The following FHOD3 variants were observed in gnomAD, a reference collection of about 807,000 sequenced individuals.
The protein encoded by FHOD3 is FH1/FH2 domain-containing protein 3.
Under a neutral mutation model 173.0 loss-of-function variants are expected in FHOD3, and 90 were observed. The observed-to-expected ratio is 0.52, with a 90% CI of 0.44 to 0.62. FHOD3 has a LOEUF of 0.62. FHOD3 is among the 20% of genes least tolerant of loss of function. The pLI is 0.00. For synonymous variants in FHOD3, 828 were observed against 823.0 expected (o/e 1.01, Z -0.10); for missense variants, 1,945 against 2,034.7 (o/e 0.96, Z 0.85).
chr18:36,751,735 T>A (rs1457532725), intron 24 of FHOD3, among the ~76,000 whole-genome samples: 3 of 152,232 alleles, frequency 2.0e-5, no homozygotes, highest in Non-Finnish European at 4.4e-5. Context: ...GAGATAATAA[T>A]GTGGGTTTTG....
At chr18:36,376,814 A>T (rs1177010120) in intron 3 of FHOD3, among the ~76,000 whole-genome samples, 2 of 152,230 alleles carry the variant, frequency 1.3e-5, no homozygotes, top group African/African-American at 4.8e-5. Flanking sequence ...CTACATTGTT[A>T]TAGCAAAGAG....
chr18:36,648,387 G>T (rs1444146548), intron 10 of FHOD3, among the ~76,000 whole-genome samples: 1 of 152,222 alleles, frequency 6.6e-6, no homozygotes, highest in Non-Finnish European at 1.5e-5. Context: ...ACATAAGTCG[G>T]TTGTTGACAG....
At chr18:36,724,854 C>T (rs928078399) in intron 19 of FHOD3, among the ~76,000 whole-genome samples, 14 of 152,316 alleles carry the variant, frequency 9.2e-5, no homozygotes, top group East Asian at 7.7e-4. Flanking sequence ...GTTGGAGCTC[C>T]GAAGGAGGAG....
chr18:36,740,876 C>T, intron 21 of FHOD3, 38 bp downstream of exon 21: 1 of 1,580,198 alleles, frequency 6.3e-7, no homozygotes, highest in Non-Finnish European at 8.6e-7. Flanking sequence ...ATCCCACATC[C>T]ACAGTGTTGA....
chr18:36,590,188 T>C (rs1246524545), intron 6 of FHOD3, among the ~76,000 whole-genome samples: 4 of 152,142 alleles, frequency 2.6e-5, no homozygotes, highest in African/African-American at 9.7e-5. Flanking sequence ...CCATTTATTA[T>C]AAAATGTGTC....
chr18:36,653,304 C>T (rs886661812), intron 12 of FHOD3, 38 bp from the exon 13 acceptor site: 98 of 1,448,974 alleles, frequency 6.8e-5, no homozygotes, highest in Non-Finnish European at 8.6e-5. Context: ...GCTATCTTTC[C>T]GTGCCACATT....
At chr18:36,504,849 A>C (rs1246734842) in intron 4 of FHOD3, among the ~76,000 whole-genome samples, 1 of 152,236 alleles carries the variant, frequency 6.6e-6, no homozygotes, top group African/African-American at 2.4e-5. Context: ...ATTAGAAATG[A>C]ATTTGAAAAA....
chr18:36,752,516 C>T (rs2042447264), intron 24 of FHOD3, among the ~76,000 whole-genome samples: 1 of 152,156 alleles, frequency 6.6e-6, no homozygotes, highest in African/African-American at 2.4e-5. Flanking sequence ...ATCTTCATAT[C>T]ATGTATTCTA....
chr18:36,565,272 GATTAAAATT>G (rs1406051038), intron 5 of FHOD3, among the ~76,000 whole-genome samples: 4 of 152,192 alleles, frequency 2.6e-5, no homozygotes, highest in African/African-American at 9.7e-5. Context: ...TTAATGGTCT[GATTAAAATT>G]AATTGAAATC....
At chr18:36,382,090 T>G (rs1232281544) in intron 3 of FHOD3, among the ~76,000 whole-genome samples, 1 of 152,060 alleles carries the variant, frequency 6.6e-6, no homozygotes, top group Non-Finnish European at 1.5e-5. Flanking sequence ...GGAGGTGAGA[T>G]GGTGGTGGTT....
At chr18:36,473,169 C>T (rs771782109) in intron 3 of FHOD3, among the ~76,000 whole-genome samples, 2 of 152,232 alleles carry the variant, frequency 1.3e-5, no homozygotes, top group Non-Finnish European at 2.9e-5. Flanking sequence ...AATCCCAGCA[C>T]TTTGGGAGGC....
intron 4 of FHOD3, among the ~76,000 whole-genome samples, chr18:36,507,841 C>A (rs1187278029): frequency 6.6e-6 from 1 of 152,086 alleles, no homozygotes; most frequent in Non-Finnish European, 1.5e-5. Context: ...TCTTCTTATG[C>A]CAGCAGAAGG....
chr18:36,512,313 T>C (rs1454169635), intron 4 of FHOD3, 125 bp from the exon 5 acceptor site: 2 of 701,914 alleles, frequency 2.8e-6, no homozygotes, highest in South Asian at 3.3e-5. Flanking sequence ...TTCATTTGAA[T>C]ACAGCAGAGC....
At chr18:36,740,624 A>G (rs752636241) in intron 20 of FHOD3, 32 bp from the exon 21 acceptor site, 1 of 1,577,244 alleles carries the variant, frequency 6.3e-7, no homozygotes, top group South Asian at 1.1e-5. Flanking sequence ...CATCACTAAG[A>G]GAAAATATAC....
At chr18:36,593,197 T>C (rs1212262317) in intron 6 of FHOD3, among the ~76,000 whole-genome samples, 2 of 152,172 alleles carry the variant, frequency 1.3e-5, no homozygotes, top group East Asian at 3.9e-4. Flanking sequence ...AACCACTGGA[T>C]TTGATACCAT....
At chr18:36,436,752 G>A (rs1361071694) in intron 3 of FHOD3, among the ~76,000 whole-genome samples, 1 of 152,212 alleles carries the variant, frequency 6.6e-6, no homozygotes, top group Non-Finnish European at 1.5e-5. Context: ...TAACTGCACA[G>A]GATAAATTGT....
intron 1 of FHOD3, among the ~76,000 whole-genome samples, chr18:36,301,019 G>A (rs1401637354): frequency 1.3e-5 from 2 of 152,208 alleles, no homozygotes; most frequent in Non-Finnish European, 1.5e-5. Context: ...TGGGATTACA[G>A]GTGTGAGCCA....
At chr18:36,701,700 T>A (rs2039596987) in intron 17 of FHOD3, among the ~76,000 whole-genome samples, 1 of 152,118 alleles carries the variant, frequency 6.6e-6, no homozygotes, top group Non-Finnish European at 1.5e-5. Flanking sequence ...AGTTTACAGA[T>A]TTGTATTTGG....
At chr18:36,446,495 G>A (rs1405529635) in intron 3 of FHOD3, among the ~76,000 whole-genome samples, 5 of 150,070 alleles carry the variant, frequency 3.3e-5, no homozygotes, top group Non-Finnish European at 5.9e-5. Context: ...ATTCCTCATT[G>A]GCAAGTTTTG....
Sources: allele counts gnomAD v4.1 joint callset (sites outside exome capture counted in the v4.1 genomes callset), GRCh38; gene constraint gnomAD v4.1.1; transcripts MANE v1.5; gene names NCBI Gene and HGNC (gene_info 2026-07-23, HGNC 2026-07-21).